Variants in XKRX observed in about 807,000 individuals in gnomAD.
XKRX encodes the protein XK related X-linked.
A neutral mutation model predicts 22.4 loss-of-function variants in XKRX; 11 were observed. The observed-to-expected ratio is 0.49, with a 90% CI of 0.31 to 0.81. The LOEUF is 0.81. XKRX is among the 40% of genes least tolerant of loss of function. The probability of loss-of-function intolerance (pLI) is 0.05; values close to 1 mark genes in which losing one functional copy is unlikely to be tolerated. For missense variants in XKRX, 320 were observed against 336.5 expected, an observed-to-expected ratio of 0.95 and a Z score of 0.38; for synonymous variants, 114 against 132.2, an observed-to-expected ratio of 0.86 and a Z score of 0.94.
chrX:100,945,413 C>T, the XKRX span, among the ~76,000 whole-genome samples: 330 of 112,371 alleles, frequency 2.9e-3, 4 homozygotes, highest in African/African-American at 9.8e-3. Context: ...GCTACCATGT[C>T]CAGCCCTGCT....
chrX:100,913,252 T>C (rs147682222), downstream of XKRX, among the ~76,000 whole-genome samples: 170 of 109,355 alleles, frequency 1.6e-3, 1 homozygote, highest in African/African-American at 5.3e-3. Flanking sequence ...GTACTGATGA[T>C]GATTTAATGT....
At chrX:100,928,966 C>T, upstream of XKRX, 1 of 396,081 alleles carries the variant, frequency 2.5e-6, no homozygotes, top group Non-Finnish European at 3.2e-6. Context: ...CCAAGCCCCG[C>T]CCCCAAGACC....
At chrX:100,897,748 T>C in the XKRX span, among the ~76,000 whole-genome samples, 1 of 104,031 alleles carries the variant, frequency 9.6e-6, no homozygotes, top group African/African-American at 3.5e-5. Context: ...TTCAATACCA[T>C]TTCCCACTGA....
intron 2 of XKRX, 99 bp downstream of exon 2, chrX:100,922,694 G>A: frequency 1.2e-6 from 1 of 832,026 alleles, no homozygotes; most frequent in Non-Finnish European, 1.7e-6. Flanking sequence ...AAGTTAAATA[G>A]CCACATGAAG....
chrX:100,907,108 G>A, the XKRX span, among the ~76,000 whole-genome samples: 1 of 111,609 alleles, frequency 9.0e-6, no homozygotes, highest in African/African-American at 3.3e-5. Flanking sequence ...TATTCTTCCC[G>A]TCTTACTCTT....
chrX:100,911,165 G>T, downstream of XKRX: 1 of 595,310 alleles, frequency 1.7e-6, no homozygotes, highest in African/African-American at 2.2e-5. Context: ...GGTTACTAAA[G>T]TCTGCTTTGT....
At chrX:100,931,491 C>T (rs1359535424), upstream of XKRX, among the ~76,000 whole-genome samples, 2 of 111,045 alleles carry the variant, frequency 1.8e-5, no homozygotes, top group African/African-American at 3.3e-5. Context: ...TCCATTAGTC[C>T]AAACCATAAC....
chrX:100,908,220 G>A, the XKRX span, among the ~76,000 whole-genome samples: 33 of 108,369 alleles, frequency 3.0e-4, no homozygotes, highest in Non-Finnish European at 6.1e-4. Context: ...GGGCTCAAGC[G>A]ATTCTCATGC....
chrX:100,946,473 CA>C, the XKRX span, among the ~76,000 whole-genome samples: 1 of 111,525 alleles, frequency 9.0e-6, no homozygotes, highest in Non-Finnish European at 1.9e-5. Flanking sequence ...AAACAGATGG[CA>C]CATTCAAATT....
chrX:100,943,974 G>A, the XKRX span, among the ~76,000 whole-genome samples: 1 of 111,781 alleles, frequency 8.9e-6, no homozygotes, highest in African/African-American at 3.3e-5. Context: ...CTTGGTCATT[G>A]GGGTATGCCT....
At chrX:100,912,163 C>A (rs908723188), downstream of XKRX, among the ~76,000 whole-genome samples, 1 of 111,705 alleles carries the variant, frequency 9.0e-6, no homozygotes, top group Non-Finnish European at 1.9e-5. Context: ...GGGAGAAATT[C>A]TTGCTTGAAT....
chrX:100,953,144 C>T, the XKRX span, among the ~76,000 whole-genome samples: 2 of 111,275 alleles, frequency 1.8e-5, no homozygotes, highest in African/African-American at 3.3e-5. Context: ...AAAAATCAGC[C>T]GGGTATAGTG....
chrX:100,947,639 G>A, the XKRX span, among the ~76,000 whole-genome samples: 2 of 111,995 alleles, frequency 1.8e-5, no homozygotes, highest in South Asian at 7.4e-4. Flanking sequence ...GCCTGCCTGG[G>A]CTTATGTGGA....
At chrX:100,905,533 C>A in the XKRX span, among the ~76,000 whole-genome samples, 6 of 112,110 alleles carry the variant, frequency 5.4e-5, no homozygotes, top group Non-Finnish European at 1.1e-4. Flanking sequence ...AAACACTAAA[C>A]ACAGGAGAAA....
At chrX:100,921,995 G>C (rs973259103) in intron 2 of XKRX, among the ~76,000 whole-genome samples, 1 of 108,270 alleles carries the variant, frequency 9.2e-6, no homozygotes, top group Non-Finnish European at 1.9e-5. Flanking sequence ...CACCACGCCC[G>C]GCTAATTTTT....
chrX:100,954,144 C>A, the XKRX span, among the ~76,000 whole-genome samples: 5 of 110,836 alleles, frequency 4.5e-5, no homozygotes, highest in Non-Finnish European at 9.4e-5. Flanking sequence ...GACAGCCGGG[C>A]GCAGTGGCTC....
the XKRX span, among the ~76,000 whole-genome samples, chrX:100,936,272 G>A: frequency 9.1e-6 from 1 of 110,287 alleles, no homozygotes; most frequent in Non-Finnish European, 1.9e-5. Flanking sequence ...CGGGCAAGGT[G>A]GCTCACACCT....
upstream of XKRX, among the ~76,000 whole-genome samples, chrX:100,934,167 T>C (rs2085528918): frequency 8.9e-6 from 1 of 112,231 alleles, no homozygotes; most frequent in Non-Finnish European, 1.9e-5. Flanking sequence ...CTTAGTATGA[T>C]GTTTTCAAGG....
upstream of XKRX, among the ~76,000 whole-genome samples, chrX:100,931,163 A>T (rs1272214803): frequency 9.1e-6 from 1 of 109,770 alleles, no homozygotes; most frequent in Non-Finnish European, 1.9e-5. Flanking sequence ...TAAAAAAAAA[A>T]AAAAACATGG....
Sources: allele counts gnomAD v4.1 joint callset (sites outside exome capture counted in the v4.1 genomes callset), GRCh38; gene constraint gnomAD v4.1.1; transcripts MANE v1.5; gene names NCBI Gene and HGNC (gene_info 2026-07-23, HGNC 2026-07-21).